Variants in CFAP299 observed in about 807,000 individuals in gnomAD.
CFAP299 encodes the protein cilia- and flagella-associated protein 299.
Under a neutral mutation model 27.0 loss-of-function variants are expected in CFAP299, and 21 were observed. That is an observed-to-expected ratio of 0.78 (90% CI 0.55 to 1.12). CFAP299 has a LOEUF of 1.12. CFAP299 is among the 50% of genes most tolerant of loss of function. CFAP299 has a pLI of 0.00. For missense variants in CFAP299, 310 were observed against 276.6 expected, an observed-to-expected ratio of 1.12 and a Z score of -0.86; for synonymous variants, 104 against 98.1, an observed-to-expected ratio of 1.06 and a Z score of -0.36.
chr4:80,453,166 CAAGT>C (rs1282348901), intron 2 of CFAP299, among the ~76,000 whole-genome samples: 2 of 152,068 alleles, frequency 1.3e-5, no homozygotes, highest in Non-Finnish European at 2.9e-5. Flanking sequence ...GCAGGGCTGT[CAAGT>C]AAGCAGTGAG....
At chr4:80,949,581 C>CA (rs1737665185) in intron 5 of CFAP299, among the ~76,000 whole-genome samples, 1 of 144,744 alleles carries the variant, frequency 6.9e-6, no homozygotes, top group Non-Finnish European at 1.5e-5. Flanking sequence ...AAAAAAAAAA[C>CA]AAAAAACAGA....
intron 3 of CFAP299, among the ~76,000 whole-genome samples, chr4:80,785,465 A>G (rs557633870): frequency 1.3e-5 from 2 of 152,296 alleles, no homozygotes; most frequent in Non-Finnish European, 2.9e-5. Context: ...TTTCATGGCC[A>G]GAATTTCAAT....
At chr4:80,722,817 G>A (rs928909809) in intron 3 of CFAP299, among the ~76,000 whole-genome samples, 26 of 151,710 alleles carry the variant, frequency 1.7e-4, no homozygotes, top group Middle Eastern at 3.4e-3. Flanking sequence ...GGAGAATGGC[G>A]TGAACCCCGG....
At chr4:80,934,480 G>C (rs1736786269) in intron 4 of CFAP299, among the ~76,000 whole-genome samples, 1 of 151,528 alleles carries the variant, frequency 6.6e-6, no homozygotes, top group East Asian at 1.9e-4. Context: ...TAAAAGGATT[G>C]GTATTAATTT....
At chr4:80,583,059 TA>T in intron 2 of CFAP299, 33 bp from the exon 3 acceptor site, 1 of 1,372,166 alleles carries the variant, frequency 7.3e-7, no homozygotes, top group Non-Finnish European at 1.0e-6. Context: ...ATTTGTTATC[TA>T]ATATATTATA....
At chr4:80,621,024 A>G (rs1738574533) in intron 3 of CFAP299, among the ~76,000 whole-genome samples, 1 of 151,994 alleles carries the variant, frequency 6.6e-6, no homozygotes. Flanking sequence ...TTTTTTTATC[A>G]TTAACCAAGT....
In CFAP299 at chr4:80,780,036, A is replaced by G. The variant is rs530651643; in HGVS notation, c.334-89957A>G. ...GTTACACTGCTTTAGACTCTGTCAT[A>G]TTTTTTTCATATTCCTACTCTTATT... On this transcript the variant is annotated intron_variant, in intron 3 of 5. Transcript: ENST00000358105. Among the ~76,000 whole-genome samples the G allele has an allele frequency of 5.3e-5, 8 of 151,818 alleles. No individual in the cohort carries two copies. In the East Asian group the frequency reaches 9.7e-4, roughly 18 times the overall value.
At chr4:80,690,370 G>A (rs967331429) in intron 3 of CFAP299, among the ~76,000 whole-genome samples, 1 of 152,054 alleles carries the variant, frequency 6.6e-6, no homozygotes, top group Non-Finnish European at 1.5e-5. Flanking sequence ...AATCAAACTA[G>A]AACTCAGGAT....
At chr4:80,372,797 C>T (rs1285468442) in intron 2 of CFAP299, among the ~76,000 whole-genome samples, 2 of 152,118 alleles carry the variant, frequency 1.3e-5, no homozygotes, top group African/African-American at 4.8e-5. Context: ...TGACAGAGGA[C>T]AGGAGAATAA....
At chr4:80,496,330 T>C (rs1731437399) in intron 2 of CFAP299, among the ~76,000 whole-genome samples, 1 of 152,204 alleles carries the variant, frequency 6.6e-6, no homozygotes, top group South Asian at 2.1e-4. Context: ...AGAAATTTCT[T>C]CTACCAGATA....
intron 2 of CFAP299, among the ~76,000 whole-genome samples, chr4:80,365,343 C>G (rs1376782513): frequency 6.6e-6 from 1 of 152,160 alleles, no homozygotes; most frequent in Non-Finnish European, 1.5e-5. Flanking sequence ...CTCTAATGAT[C>G]AGTGACGTTG....
At chr4:80,662,441 G>C (rs1740901223) in intron 3 of CFAP299, among the ~76,000 whole-genome samples, 1 of 150,388 alleles carries the variant, frequency 6.6e-6, no homozygotes, top group Non-Finnish European at 1.5e-5. Flanking sequence ...GATGGGTTAG[G>C]AAGTCTTCAG....
At chr4:80,572,685 T>C (rs1347542604) in intron 2 of CFAP299, among the ~76,000 whole-genome samples, 1 of 151,358 alleles carries the variant, frequency 6.6e-6, no homozygotes, top group Non-Finnish European at 1.5e-5. Context: ...GCTTGGCTAA[T>C]TTTTTTTATC....
intron 2 of CFAP299, among the ~76,000 whole-genome samples, chr4:80,456,225 A>G (rs1729147211): frequency 6.6e-6 from 1 of 152,108 alleles, no homozygotes; most frequent in African/African-American, 2.4e-5. Context: ...GGCCAGAGAA[A>G]TAAAGGGAGT....
At chr4:80,458,071 C>G (rs565979129) in intron 2 of CFAP299, among the ~76,000 whole-genome samples, 1 of 152,060 alleles carries the variant, frequency 6.6e-6, no homozygotes, top group East Asian at 1.9e-4. Context: ...TCTCACAGCT[C>G]TGAATGCTCA....
chr4:80,383,183 G>A (rs1001087837), intron 2 of CFAP299, among the ~76,000 whole-genome samples: 4 of 151,992 alleles, frequency 2.6e-5, no homozygotes, highest in Non-Finnish European at 5.9e-5. Flanking sequence ...CCTACTTGAG[G>A]GTGGAGGGTG....
chr4:80,875,595 C>T (rs544717182), intron 4 of CFAP299, among the ~76,000 whole-genome samples: 351 of 146,576 alleles, frequency 2.4e-3, no homozygotes, highest in African/African-American at 8.4e-3. Flanking sequence ...ACCTGGGAGG[C>T]GGAGGTTGCG....
At chr4:80,793,626 C>T (rs985057006) in intron 3 of CFAP299, among the ~76,000 whole-genome samples, 10 of 152,100 alleles carry the variant, frequency 6.6e-5, no homozygotes, top group Non-Finnish European at 1.5e-4. Context: ...AACTATCCTT[C>T]GTACAACCAG....
At chr4:80,847,608 T>C (rs889232975) in intron 3 of CFAP299, among the ~76,000 whole-genome samples, 1 of 152,232 alleles carries the variant, frequency 6.6e-6, no homozygotes, top group Admixed American at 6.5e-5. Context: ...ACTAACTACG[T>C]GACCCTAGGC....
Sources: gnomAD v4.1 joint callset for allele counts (sites outside exome capture counted in the v4.1 genomes callset) on GRCh38, gnomAD v4.1.1 for gene constraint, MANE v1.5 for transcripts, NCBI Gene and HGNC (gene_info 2026-07-23, HGNC 2026-07-21) for gene names.